NRXN3: variants seen among roughly 807,000 people sequenced by gnomAD.
The protein encoded by NRXN3 is neurexin 3.
NRXN3 carries 32 observed loss-of-function variants against 137.6 expected under a neutral mutation model. That is an observed-to-expected ratio of 0.23 (90% CI 0.18 to 0.31). The LOEUF (loss-of-function observed/expected upper bound fraction) is 0.31. Ranked by LOEUF, NRXN3 falls within the 10% of genes least tolerant of loss-of-function variation. NRXN3 has a pLI of 1.00. For missense variants in NRXN3, 1,574 were observed against 2,062.5 expected (o/e 0.76, Z 4.59); for synonymous variants, 798 against 784.5 (o/e 1.02, Z -0.29).
intron 15 of NRXN3, among the ~76,000 whole-genome samples, chr14:79,345,759 A>G (rs1256933042): frequency 6.6e-6 from 1 of 151,464 alleles, no homozygotes; most frequent in Non-Finnish European, 1.5e-5. Flanking sequence ...ACCTTATGAT[A>G]CCCCCCTTTA....
rs373800250 is a variant in NRXN3, at chr14:78,745,609, G to T, written c.2044+30470G>T. On this transcript the variant is annotated intron_variant, in intron 8 of 20. Coordinates refer to ENST00000335750, the MANE Select transcript of NRXN3 (RefSeq NM_001330195.2). ...TATTTTCTAGTGGTCCTTTGCGTTT[G>T]CCTCTTTTCCAGACTGTATAGGGCA... Among the ~76,000 whole-genome samples the T allele has an allele frequency of 9.4e-4, 143 of 152,174 alleles. 5 individuals carry two copies. In the South Asian group the frequency reaches 0.028, roughly 30 times the overall value.
At chr14:79,030,073 G>C (rs2099605077) in intron 15 of NRXN3, among the ~76,000 whole-genome samples, 1 of 145,410 alleles carries the variant, frequency 6.9e-6, no homozygotes, top group African/African-American at 2.6e-5. Flanking sequence ...GTAGAAACAG[G>C]GTTTCACCAT....
chr14:78,510,195 A>G (rs181360682), intron 4 of NRXN3, among the ~76,000 whole-genome samples: 3 of 152,014 alleles, frequency 2.0e-5, no homozygotes, highest in Non-Finnish European at 4.4e-5. Context: ...TAAAATAGAA[A>G]TAACAGTAAT....
chr14:78,470,691 GA>G (rs1375363696), intron 4 of NRXN3, among the ~76,000 whole-genome samples: 1 of 151,916 alleles, frequency 6.6e-6, no homozygotes, highest in African/African-American at 2.4e-5. Flanking sequence ...AAAGAGAAGA[GA>G]AATGGAGATG....
chr14:79,275,464 A>T (rs2153432674), intron 15 of NRXN3, among the ~76,000 whole-genome samples: 1 of 152,276 alleles, frequency 6.6e-6, no homozygotes, highest in South Asian at 2.1e-4. Flanking sequence ...CTGGCAGCAA[A>T]GTGGCAAGTC....
intron 16 of NRXN3, among the ~76,000 whole-genome samples, chr14:79,632,618 A>G (rs1295471886): frequency 6.6e-6 from 1 of 152,240 alleles, no homozygotes; most frequent in African/African-American, 2.4e-5. Flanking sequence ...TGATTAAAAC[A>G]AATTATATCT....
intron 4 of NRXN3, among the ~76,000 whole-genome samples, chr14:78,468,476 G>T (rs1478115491): frequency 1.3e-5 from 2 of 152,250 alleles, no homozygotes; most frequent in Non-Finnish European, 2.9e-5. Flanking sequence ...CTTGTTTTTA[G>T]GGTAGTCTGG....
chr14:78,426,226 C>T (rs1234573397), intron 4 of NRXN3, among the ~76,000 whole-genome samples: 1 of 152,172 alleles, frequency 6.6e-6, no homozygotes, highest in Non-Finnish European at 1.5e-5. Flanking sequence ...GGTATAGGGT[C>T]CCTTACAGGG....
chr14:79,680,001 T>C (rs1352401772), intron 17 of NRXN3, among the ~76,000 whole-genome samples: 2 of 152,154 alleles, frequency 1.3e-5, no homozygotes, highest in African/African-American at 4.8e-5. Context: ...ATCTTGATCA[T>C]TTTGGGGTCT....
At chr14:78,871,335 C>T (rs186999699) in intron 10 of NRXN3, among the ~76,000 whole-genome samples, 33 of 152,010 alleles carry the variant, frequency 2.2e-4, no homozygotes, top group Admixed American at 9.2e-4. Context: ...GTCTGAAAAT[C>T]TCTCAGTCAT....
intron 4 of NRXN3, among the ~76,000 whole-genome samples, chr14:78,533,242 C>A (rs933739664): frequency 1.3e-5 from 2 of 151,536 alleles, no homozygotes; most frequent in African/African-American, 2.4e-5. Flanking sequence ...ACAGCCACCA[C>A]GCCCGGCTAA....
chr14:78,606,998 C>T (rs1289753311), intron 4 of NRXN3, among the ~76,000 whole-genome samples: 1 of 152,164 alleles, frequency 6.6e-6, no homozygotes, highest in Non-Finnish European at 1.5e-5. Context: ...CCCCATCCTC[C>T]TAGGTTGAAT....
At chr14:78,440,091 C>A (rs1394722751) in intron 4 of NRXN3, among the ~76,000 whole-genome samples, 1 of 152,220 alleles carries the variant, frequency 6.6e-6, no homozygotes, top group East Asian at 1.9e-4. Flanking sequence ...TAGAAGGCCG[C>A]ATTTGTTTTG....
chr14:79,764,166 G>GGC (rs1491216757), intron 19 of NRXN3, among the ~76,000 whole-genome samples: 1 of 22,716 alleles, frequency 4.4e-5, no homozygotes, highest in Non-Finnish European at 8.7e-5. Flanking sequence ...TTTGGTGGGT[G>GGC]GGGGGGGTGT....
intron 15 of NRXN3, among the ~76,000 whole-genome samples, chr14:79,210,726 G>A (rs1227760789): frequency 6.6e-6 from 1 of 152,142 alleles, no homozygotes; most frequent in Admixed American, 6.6e-5. Context: ...ATGCAACAAT[G>A]ATGCTTGGAT....
intron 16 of NRXN3, among the ~76,000 whole-genome samples, chr14:79,633,587 TTCAGGAAGTC>T (rs1353351923): frequency 7.2e-5 from 6 of 83,774 alleles, no homozygotes; most frequent in Admixed American, 2.0e-4. Context: ...TAGCTGATGT[TTCAGGAAGTC>T]TAGGAAGCAA....
At chr14:79,481,810 G>A (rs993872308) in intron 16 of NRXN3, among the ~76,000 whole-genome samples, 2 of 152,082 alleles carry the variant, frequency 1.3e-5, no homozygotes, top group Non-Finnish European at 2.9e-5. Flanking sequence ...GCAGGTAGGG[G>A]TCTGGGGGAT....
chr14:79,020,804 G>A lies in NRXN3; in HGVS notation c.3262+32663G>A, dbSNP rs146605467. Among the ~76,000 whole-genome samples, 207 of 151,088 alleles carry A rather than the reference G, an allele frequency of 1.4e-3. 1 individual carries two copies. Among genetic ancestry groups the A allele is most frequent in the Middle Eastern group, 6.8e-3 (2 of 294 alleles). On this transcript the variant is annotated intron_variant, in intron 15 of 20. Transcript: ENST00000335750. The stretch of plus-strand genomic sequence containing the variant: ...TTGTCCATATTGCAGGGTTTCCTAA[G>A]TTCACACCAATGAACCAATCTCTGT...
At chr14:78,251,282 A>AG (rs1555428119) in intron 2 of NRXN3, among the ~76,000 whole-genome samples, 1 of 152,170 alleles carries the variant, frequency 6.6e-6, no homozygotes, top group Non-Finnish European at 1.5e-5. Context: ...GTAAAAAAAA[A>AG]CAATCTTTCT....
Sources: gnomAD v4.1 joint callset for allele counts (sites outside exome capture counted in the v4.1 genomes callset) on GRCh38, gnomAD v4.1.1 for gene constraint, MANE v1.5 for transcripts, NCBI Gene and HGNC (gene_info 2026-07-23, HGNC 2026-07-21) for gene names.